The following FBN1 variants were observed in gnomAD, a reference collection of about 807,000 sequenced individuals.
FBN1 encodes the protein fibrillin-1.
FBN1 carries 29 observed loss-of-function variants against 365.1 expected under a neutral mutation model. The ratio of observed to expected loss-of-function variants is 0.08; its 90% CI spans 0.06 to 0.11. The LOEUF is 0.11. Ranked by LOEUF, FBN1 falls within the 10% of genes least tolerant of loss-of-function variation. FBN1 has a pLI of 1.00. For missense variants in FBN1, 2,476 were observed against 3,703.2 expected (o/e 0.67, Z 8.60); for synonymous variants, 1,210 against 1,270.5 (o/e 0.95, Z 1.01).
At chr15:48,523,752 C>T (rs909786971) in intron 9 of FBN1, among the ~76,000 whole-genome samples, 4 of 143,642 alleles carry the variant, frequency 2.8e-5, no homozygotes, top group Non-Finnish European at 4.5e-5. Context: ...TCACTTTGTA[C>T]AGAGGGTAAG....
At chr15:48,508,069 T>C (rs960334301) in intron 15 of FBN1, among the ~76,000 whole-genome samples, 4 of 152,366 alleles carry the variant, frequency 2.6e-5, no homozygotes, top group South Asian at 2.1e-4. Context: ...TTCTTGCTTA[T>C]GTAACTTGAT....
Position 48,631,666 on chromosome 15 carries a change from G to A in FBN1, c.164+12940C>T, listed in dbSNP as rs185716052. On this transcript the variant is annotated intron_variant, in intron 2 of 65. Coordinates refer to ENST00000316623, the MANE Select transcript of FBN1 (RefSeq NM_000138.5). ...AGTGCTGGAGTTCTCCGCGAGATCT[G>A]ACATGAGCAATCTGGAAAAGAGGGC... 8.5e-5 allele frequency among the ~76,000 whole-genome samples: 13 copies of A among 152,270 alleles called. No individual in the cohort carries two copies. In the East Asian group the frequency reaches 2.5e-3, roughly 29 times the overall value.
chr15:48,425,563 T>C, intron 59 of FBN1, 72 bp from the exon 60 acceptor site: 1 of 1,602,492 alleles, frequency 6.2e-7, no homozygotes, highest in South Asian at 1.1e-5. Flanking sequence ...CCACAGGGTC[T>C]AACGAAGAAT....
In FBN1 at chr15:48,641,434, T is replaced by C. The variant is rs539948085; in HGVS notation, c.164+3172A>G. ...GGAGCTGACAAGAAAGGAATATATA[T>C]GCATTTGAAGAATACCAAGGCGGAT... On this transcript the variant is annotated intron_variant, in intron 2 of 65. Coordinates refer to ENST00000316623, the MANE Select transcript of FBN1 (RefSeq NM_000138.5). The C allele has an allele frequency of 5.9e-5, 9 of 152,238 alleles. 1 individual carries two copies. The highest frequency in any genetic ancestry group is 2.2e-4 in the African/African-American group (9 of 41,520). The allele number at this position is 152,238 out of a possible 1,614,324, so 9.4% of individuals were successfully genotyped here.
intron 48 of FBN1, 45 bp downstream of exon 48, chr15:48,445,331 T>C (rs777523615): frequency 6.2e-7 from 1 of 1,604,800 alleles, no homozygotes; most frequent in South Asian, 1.1e-5. Flanking sequence ...CCTTGAGTGG[T>C]CTCTGGAAGC....
In FBN1 at chr15:48,487,553, G is replaced by A. The variant is rs1478395233; in HGVS notation, c.3338-116C>T. 10 of 1,414,972 alleles carry A rather than the reference G, an allele frequency of 7.1e-6. No individual in the cohort carries two copies. The East Asian group carries it at 1.1e-4, about 16-fold the overall frequency. The allele number at this position is 1,414,972 out of a possible 1,614,324, so 87.7% of individuals were successfully genotyped here. On this transcript the variant is annotated intron_variant, in intron 27 of 65. Transcript: ENST00000316623. ...TCTTGACCTCCTTGTCTCAAGGTGG[G>A]ACAACTCTCTGGTGCTATTCATACA...
At chr15:48,601,481 T>C (rs1196762087) in intron 4 of FBN1, among the ~76,000 whole-genome samples, 1 of 152,020 alleles carries the variant, frequency 6.6e-6, no homozygotes, top group African/African-American at 2.4e-5. Flanking sequence ...GAGAAGAAGG[T>C]TCGATAATTT....
intron 6 of FBN1, among the ~76,000 whole-genome samples, chr15:48,588,058 C>T (rs1325724634): frequency 6.6e-6 from 1 of 152,032 alleles, no homozygotes; most frequent in African/African-American, 2.4e-5. Context: ...CTAGTAGATA[C>T]TTTGGGTAAA....
chr15:48,548,982 C>T (rs140556524), intron 6 of FBN1, among the ~76,000 whole-genome samples: 3 of 152,336 alleles, frequency 2.0e-5, no homozygotes, highest in African/African-American at 4.8e-5. Flanking sequence ...ACATCATATT[C>T]GCCATCCTGG....
intron 36 of FBN1, among the ~76,000 whole-genome samples, chr15:48,469,094 A>AT: frequency 2.0e-5 from 2 of 102,330 alleles, no homozygotes; most frequent in African/African-American, 8.3e-5. Context: ...ATATATATAT[A>AT]AAATATAATA....
chr15:48,508,498 A>C (rs1393448294), intron 15 of FBN1, 84 bp downstream of exon 15: 7 of 1,574,572 alleles, frequency 4.4e-6, no homozygotes, highest in African/African-American at 2.7e-5. Context: ...GGGGAGAATC[A>C]GTAAAGAAAG....
At chr15:48,413,320 A>G (rs776079125) in intron 64 of FBN1, among the ~76,000 whole-genome samples, 2 of 152,218 alleles carry the variant, frequency 1.3e-5, no homozygotes, top group Non-Finnish European at 2.9e-5. Context: ...TTAATAATAA[A>G]CTATGAAGAT....
intron 35 of FBN1, among the ~76,000 whole-genome samples, chr15:48,471,336 C>T (rs1777488352): frequency 6.6e-6 from 1 of 152,054 alleles, no homozygotes; most frequent in Non-Finnish European, 1.5e-5. Context: ...TTGAGACTAG[C>T]TTTAAATAGC....
At chr15:48,576,387 T>C (rs960017673) in intron 6 of FBN1, among the ~76,000 whole-genome samples, 1 of 152,126 alleles carries the variant, frequency 6.6e-6, no homozygotes, top group Non-Finnish European at 1.5e-5. Context: ...AATGTTTTTT[T>C]CCCCCTCTAC....
At chr15:48,517,200 G>A (rs972660105) in intron 10 of FBN1, among the ~76,000 whole-genome samples, 4 of 152,248 alleles carry the variant, frequency 2.6e-5, no homozygotes, top group Non-Finnish European at 5.9e-5. Context: ...CTATCACTTC[G>A]CAGTTGTAAA....
chr15:48,537,629 G>A lies in FBN1; in HGVS notation c.718C>T (p.Arg240Cys), dbSNP rs137854480. The A allele has an allele frequency of 1.9e-6, 3 of 1,614,216 alleles. No homozygotes were observed. The highest frequency in any genetic ancestry group is 2.5e-6 in the Non-Finnish European group (3 of 1,180,032). Residue 240 changes from arginine (R) to cysteine (C), a missense_variant, in exon 7 of 66, where the codon CGC becomes TGC. Arg to Cys is a radical substitution (Grantham distance 180, BLOSUM62 -3). This residue lies in a region of FBN1 where 421 missense variants were observed against 520.1 expected (regional missense o/e 0.81). Coordinates refer to ENST00000316623, the MANE Select transcript of FBN1 (RefSeq NM_000138.5). ...PCRRGFIPNI[R>C]TGACQDVDEC... is the part of the protein sequence containing the mutation. ...GGTTTACCTTGACAAGCTCCCGTGC[G>A]GATATTTGGAATGAAGCCACGGCGG...
intron 8 of FBN1, among the ~76,000 whole-genome samples, chr15:48,526,576 T>A (rs974815884): frequency 1.3e-5 from 2 of 152,240 alleles, no homozygotes; most frequent in African/African-American, 4.8e-5. Context: ...TTTAAAATTT[T>A]GTTTTCCTTT....
chr15:48,609,440 A>G (rs2044640498), intron 4 of FBN1, among the ~76,000 whole-genome samples: 1 of 152,242 alleles, frequency 6.6e-6, no homozygotes, highest in African/African-American at 2.4e-5. Flanking sequence ...AATTCTAGGA[A>G]ACACTCATAG....
chr15:48,498,649 A>T (rs1372543231), intron 18 of FBN1, among the ~76,000 whole-genome samples: 1 of 152,184 alleles, frequency 6.6e-6, no homozygotes, highest in Non-Finnish European at 1.5e-5. Context: ...GGTACTTGAT[A>T]GTGGAAGATC....
Sources: allele counts gnomAD v4.1 joint callset (sites outside exome capture counted in the v4.1 genomes callset), GRCh38; gene constraint gnomAD v4.1.1; regional missense constraint gnomAD v4.1.1; transcripts MANE v1.5; gene names NCBI Gene and HGNC (gene_info 2026-07-23, HGNC 2026-07-21).